Variants in MAF observed in about 807,000 individuals in gnomAD.
MAF encodes MAF bZIP transcription factor.
In MAF, 10 loss-of-function variants were observed where a neutral mutation model predicts 22.0. The observed-to-expected ratio is 0.45, with a 90% CI of 0.28 to 0.77. The LOEUF (loss-of-function observed/expected upper bound fraction) is 0.77, where lower values mean the gene tolerates loss of function less well. Ranked by LOEUF, MAF falls within the 30% of genes least tolerant of loss-of-function variation. The probability of loss-of-function intolerance (pLI) is 0.12; values close to 1 mark genes in which losing one functional copy is unlikely to be tolerated. For synonymous variants in MAF, 337 were observed against 255.8 expected, an observed-to-expected ratio of 1.32 and a Z score of -3.03; for missense variants, 544 against 548.4, an observed-to-expected ratio of 0.99 and a Z score of 0.08.
At chr16:79,523,699 T>A in the MAF span, among the ~76,000 whole-genome samples, 1 of 152,180 alleles carries the variant, frequency 6.6e-6, no homozygotes, top group Non-Finnish European at 1.5e-5. Flanking sequence ...TGTTAGAAGC[T>A]CCATTTTACA....
chr16:79,331,266 C>T, the MAF span, among the ~76,000 whole-genome samples: 3 of 152,168 alleles, frequency 2.0e-5, no homozygotes, highest in Admixed American at 6.5e-5. Context: ...GACTGCCACT[C>T]CCATCAGTCA....
intron 1 of MAF, chr16:79,596,828 G>T: frequency 9.5e-7 from 1 of 1,048,844 alleles, no homozygotes; most frequent in Non-Finnish European, 1.2e-6. Context: ...TTAAAACTGT[G>T]CAGTAATGCC....
At chr16:79,596,396 C>T in intron 1 of MAF, 1 of 1,057,938 alleles carries the variant, frequency 9.5e-7, no homozygotes, top group Non-Finnish European at 1.1e-6. Context: ...GGAATCCTTC[C>T]ACTGGAGAAA....
At chr16:79,380,413 T>C in the MAF span, among the ~76,000 whole-genome samples, 141 of 152,364 alleles carry the variant, frequency 9.3e-4, no homozygotes, top group Middle Eastern at 0.01. Flanking sequence ...CCACGAATCA[T>C]GCTAACCATT....
chr16:79,582,282 C>T (rs893885260), downstream of MAF, among the ~76,000 whole-genome samples: 2 of 152,174 alleles, frequency 1.3e-5, no homozygotes, highest in South Asian at 2.1e-4. Context: ...TGAACGGCGG[C>T]AGTAAATCGG....
chr16:79,561,941 G>C, the MAF span, among the ~76,000 whole-genome samples: 2 of 152,152 alleles, frequency 1.3e-5, no homozygotes, highest in African/African-American at 4.8e-5. Flanking sequence ...AGCGAGCCAA[G>C]AGTAGACACA....
chr16:79,429,497 T>C, the MAF span, among the ~76,000 whole-genome samples: 1 of 152,174 alleles, frequency 6.6e-6, no homozygotes, highest in Non-Finnish European at 1.5e-5. Context: ...AATTTGCTTT[T>C]AATTAGGACT....
At chr16:79,276,394 G>A in the MAF span, among the ~76,000 whole-genome samples, 2 of 152,274 alleles carry the variant, frequency 1.3e-5, no homozygotes, top group South Asian at 2.1e-4. Flanking sequence ...TGTTTACCCA[G>A]CGTTCTGTGG....
chr16:79,406,336 G>C, the MAF span, among the ~76,000 whole-genome samples: 2 of 152,164 alleles, frequency 1.3e-5, no homozygotes, highest in African/African-American at 4.8e-5. Flanking sequence ...GTCTCTTTGG[G>C]CTGCTATACC....
chr16:79,572,559 C>T, the MAF span, among the ~76,000 whole-genome samples: 1 of 152,196 alleles, frequency 6.6e-6, no homozygotes, highest in African/African-American at 2.4e-5. Context: ...GACGGTTTCA[C>T]ATTTGAAAAT....
At chr16:79,228,676 G>A in the MAF span, among the ~76,000 whole-genome samples, 1 of 152,008 alleles carries the variant, frequency 6.6e-6, no homozygotes, top group Non-Finnish European at 1.5e-5. Context: ...GAGGAAAAGA[G>A]CTCTCTGCCT....
the MAF span, among the ~76,000 whole-genome samples, chr16:79,553,518 C>A: frequency 1.3e-5 from 2 of 152,216 alleles, no homozygotes; most frequent in Non-Finnish European, 2.9e-5. Context: ...CAAAGAGATG[C>A]CTCAGCATAT....
chr16:79,441,375 ACT>A, the MAF span, among the ~76,000 whole-genome samples: 1 of 152,210 alleles, frequency 6.6e-6, no homozygotes, highest in Admixed American at 6.5e-5. Flanking sequence ...GGGGTTATAA[ACT>A]TTTTCTATAA....
the MAF span, among the ~76,000 whole-genome samples, chr16:79,408,111 T>C: frequency 9.0e-6 from 1 of 110,774 alleles, no homozygotes; most frequent in African/African-American, 3.4e-5. Context: ...CCTAAAGGCG[T>C]GGTGGAGGGA....
chr16:79,349,300 G>C, the MAF span, among the ~76,000 whole-genome samples: 2 of 152,114 alleles, frequency 1.3e-5, no homozygotes, highest in African/African-American at 2.4e-5. Flanking sequence ...AGGGACTTGA[G>C]GTTGTCCTCC....
chr16:79,212,164 C>G, the MAF span: 386 of 1,494,462 alleles, frequency 2.6e-4, 1 homozygote, highest in South Asian at 3.6e-4. Context: ...GCTACCACCA[C>G]GGCCACCACT....
At chr16:79,257,919 G>A in the MAF span, among the ~76,000 whole-genome samples, 1 of 152,202 alleles carries the variant, frequency 6.6e-6, no homozygotes, top group Non-Finnish European at 1.5e-5. Context: ...GATGTTATCA[G>A]TAGGTGGTGC....
At chr16:79,357,540 TGGG>T in the MAF span, among the ~76,000 whole-genome samples, 2 of 152,330 alleles carry the variant, frequency 1.3e-5, no homozygotes, top group African/African-American at 2.4e-5. Context: ...GGAACCCTGC[TGGG>T]TCAATCCTCA....
chr16:79,281,841 G>A, the MAF span, among the ~76,000 whole-genome samples: 9 of 151,888 alleles, frequency 5.9e-5, no homozygotes, highest in South Asian at 2.1e-4. Flanking sequence ...AATCCTTTAC[G>A]CCTACAGCAC....
Sources: gnomAD v4.1 joint callset for allele counts (sites outside exome capture counted in the v4.1 genomes callset) on GRCh38, gnomAD v4.1.1 for gene constraint, MANE v1.5 for transcripts, NCBI Gene and HGNC (gene_info 2026-07-23, HGNC 2026-07-21) for gene names.